ZPBP: variants seen among roughly 807,000 people sequenced by gnomAD.
ZPBP encodes the protein zona pellucida binding protein, also known as zona pellucida-binding protein 1.
ZPBP carries 26 observed loss-of-function variants against 44.8 expected under a neutral mutation model. That is an observed-to-expected ratio of 0.58 (90% confidence interval 0.43 to 0.81). The LOEUF is 0.81. Ranked by LOEUF, ZPBP falls within the 30% of genes least tolerant of loss-of-function variation. The pLI is 0.00. For missense variants in ZPBP, 409 were observed against 434.0 expected, an observed-to-expected ratio of 0.94 and a Z score of 0.51; for synonymous variants, 174 against 153.2, an observed-to-expected ratio of 1.14 and a Z score of -1.00.
intron 6 of ZPBP, among the ~76,000 whole-genome samples, chr7:50,004,960 C>T (rs1199262740): frequency 1.3e-5 from 2 of 151,050 alleles, no homozygotes; most frequent in South Asian, 2.1e-4. Context: ...TCAGTGAATG[C>T]TAAGTAGTAA....
chr7:49,893,013 TA>T (rs1468764064), intron 2 of ZPBP, among the ~76,000 whole-genome samples: 1 of 152,230 alleles, frequency 6.6e-6, no homozygotes, highest in Non-Finnish European at 1.5e-5. Flanking sequence ...GACACTTTTT[TA>T]AACAGGTTAC....
chr7:50,050,628 C>T (rs947776828), intron 4 of ZPBP, among the ~76,000 whole-genome samples: 31 of 151,378 alleles, frequency 2.0e-4, no homozygotes, highest in African/African-American at 6.3e-4. Context: ...AAAATGCATG[C>T]CATAGTTAAA....
chr7:49,869,322 A>G (rs531707790), intron 2 of ZPBP, among the ~76,000 whole-genome samples: 2 of 152,310 alleles, frequency 1.3e-5, no homozygotes, highest in South Asian at 2.1e-4. Flanking sequence ...CTGGGGGAGA[A>G]TATTAGAGGA....
chr7:50,093,053 G>T lies in ZPBP; in HGVS notation c.127+15C>A, dbSNP rs762941742. The T allele has an allele frequency of 2.8e-5, 44 of 1,595,300 alleles. No individual in the cohort carries two copies. The highest frequency in any genetic ancestry group is 3.8e-5 in the Non-Finnish European group (44 of 1,171,920). The stretch of plus-strand genomic sequence containing the variant: ...GTTGTCCCTGCGGAGCCGGCAGGGC[G>T]GCGCGGACCCTCACCTGATGAGGGC... On this transcript the variant is annotated intron_variant, in intron 1 of 7. Coordinates refer to ENST00000046087, the MANE Select transcript of ZPBP (RefSeq NM_007009.3).
intron 7 of ZPBP, among the ~76,000 whole-genome samples, chr7:49,963,179 T>C (rs1001202247): frequency 7.3e-5 from 11 of 151,338 alleles, no homozygotes; most frequent in African/African-American, 2.2e-4. Context: ...TTTTTAATTT[T>C]ATTATTATTA....
downstream of ZPBP, chr7:49,935,665 G>A (rs1327031692): frequency 6.6e-6 from 1 of 152,328 alleles, no homozygotes; most frequent in Admixed American, 6.5e-5. Flanking sequence ...CCAAAGAGCT[G>A]GGATTACAGG....
chr7:49,943,035 G>GT (rs1039219545), intron 7 of ZPBP: 104 of 291,848 alleles, frequency 3.6e-4, no homozygotes, highest in Admixed American at 1.0e-3. Flanking sequence ...GGGGCCACAG[G>GT]TGACTCTCCA....
chr7:50,092,842 G>T (rs1256155056), intron 1 of ZPBP: 7 of 552,254 alleles, frequency 1.3e-5, no homozygotes, highest in East Asian at 1.1e-4. Flanking sequence ...AACTGTGGGT[G>T]ACGTAGTGAT....
chr7:49,874,773 G>C (rs1224523702), intron 2 of ZPBP, among the ~76,000 whole-genome samples: 2 of 152,158 alleles, frequency 1.3e-5, no homozygotes, highest in African/African-American at 4.8e-5. Flanking sequence ...GAGGTGATGA[G>C]AGACCAGGAG....
chr7:49,888,556 C>G (rs1249421090), intron 2 of ZPBP, among the ~76,000 whole-genome samples: 1 of 152,156 alleles, frequency 6.6e-6, no homozygotes, highest in Non-Finnish European at 1.5e-5. Context: ...TCATAGCAGG[C>G]CTCCCTGAAG....
chr7:49,885,200 A>T (rs769637818), intron 2 of ZPBP, among the ~76,000 whole-genome samples: 4 of 152,156 alleles, frequency 2.6e-5, no homozygotes, highest in Non-Finnish European at 5.9e-5. Context: ...TAAATAATTT[A>T]GTTCCAGAGA....
chr7:50,019,942 G>T (rs56262676), intron 5 of ZPBP, among the ~76,000 whole-genome samples: 1,896 of 151,654 alleles, frequency 0.013, 44 homozygotes, highest in African/African-American at 0.043. Flanking sequence ...CCCAAGAAAA[G>T]TTAAATCTCT....
intron 7 of ZPBP, among the ~76,000 whole-genome samples, chr7:49,975,049 G>A (rs923534882): frequency 6.6e-6 from 1 of 152,044 alleles, no homozygotes; most frequent in African/African-American, 2.4e-5. Flanking sequence ...AGCAAGTGGG[G>A]ACAATAAGTT....
chr7:49,967,453 A>G (rs1236556387), intron 7 of ZPBP, among the ~76,000 whole-genome samples: 5 of 152,178 alleles, frequency 3.3e-5, no homozygotes, highest in Non-Finnish European at 7.4e-5. Flanking sequence ...TGACCTAGAT[A>G]ATGATAATTT....
chr7:49,886,706 T>G (rs1791919125), intron 2 of ZPBP, among the ~76,000 whole-genome samples: 1 of 152,206 alleles, frequency 6.6e-6, no homozygotes, highest in Non-Finnish European at 1.5e-5. Flanking sequence ...TCACCTATTA[T>G]GTAGTTTTTT....
At chr7:50,063,893 C>A (rs1801374497) in intron 3 of ZPBP, among the ~76,000 whole-genome samples, 1 of 152,166 alleles carries the variant, frequency 6.6e-6, no homozygotes, top group Non-Finnish European at 1.5e-5. Context: ...CTGCCTGCAA[C>A]CTTATGATGC....
chr7:50,018,173 G>C, intron 6 of ZPBP, 67 bp downstream of exon 6: 1 of 1,139,380 alleles, frequency 8.8e-7, no homozygotes, highest in South Asian at 1.2e-5. Context: ...TAGCTAGGAT[G>C]CTTACTTACA....
At chr7:49,962,682 A>G (rs1056999488) in intron 7 of ZPBP, among the ~76,000 whole-genome samples, 1 of 151,934 alleles carries the variant, frequency 6.6e-6, no homozygotes, top group Non-Finnish European at 1.5e-5. Flanking sequence ...GAAAAAAGTA[A>G]AATTGTCTTT....
chr7:50,010,908 C>CAAAAAAAAAAAAAAAAAAAA, intron 6 of ZPBP, among the ~76,000 whole-genome samples: 1 of 92,434 alleles, frequency 1.1e-5, no homozygotes, highest in Non-Finnish European at 1.9e-5. Flanking sequence ...CAAGACCAAG[C>CAAAAAAAAAAAAAAAAAAAA]AAAAAAAAAA....
Sources: gnomAD v4.1 joint callset for allele counts (sites outside exome capture counted in the v4.1 genomes callset) on GRCh38, gnomAD v4.1.1 for gene constraint, MANE v1.5 for transcripts, NCBI Gene and HGNC (gene_info 2026-07-23, HGNC 2026-07-21) for gene names.